PTK7: variants seen among roughly 807,000 people sequenced by gnomAD.
PTK7 encodes inactive tyrosine-protein kinase 7.
Under a neutral mutation model 116.6 loss-of-function variants are expected in PTK7, and 39 were observed. The ratio of observed to expected loss-of-function variants is 0.33; its 90% CI spans 0.26 to 0.44. PTK7 has a LOEUF of 0.44. Among genes scored for constraint, PTK7 ranks in the 20% least tolerant of loss-of-function variants. The pLI, the probability that PTK7 is intolerant of heterozygous loss-of-function variation, is 1.00. For missense variants in PTK7, 1,169 were observed against 1,425.6 expected, an observed-to-expected ratio of 0.82 and a Z score of 2.90; for synonymous variants, 546 against 563.6, an observed-to-expected ratio of 0.97 and a Z score of 0.44.
intron 1 of PTK7, chr6:43,077,082 CCCT>C (rs1766078552): frequency 8.0e-7 from 1 of 1,251,310 alleles, no homozygotes; most frequent in South Asian, 2.4e-5. Context: ...TTCCCGGCTT[CCCT>C]CCTCCGAGTT....
At chr6:43,121,707 G>A (rs1016337756) in intron 1 of PTK7, among the ~76,000 whole-genome samples, 1 of 152,186 alleles carries the variant, frequency 6.6e-6, no homozygotes, top group African/African-American at 2.4e-5. Flanking sequence ...GTAGTCGGGG[G>A]AGACATTCTA....
chr6:43,161,505 C>A lies in PTK7; in HGVS notation c.*624C>A, dbSNP rs984262830. 1 of 151,170 alleles carries A rather than the reference C, an allele frequency of 6.6e-6. No homozygotes were observed. The highest frequency in any genetic ancestry group is 6.6e-5 in the Admixed American group (1 of 15,140). The allele number at this position is 151,170 out of a possible 1,614,324, so 9.4% of individuals were successfully genotyped here. On this transcript the variant is annotated 3_prime_UTR_variant, in exon 20 of 20. Transcript: ENST00000230419. ...CAGGAGCTTTTGACACTATATAAAC[C>A]GCCCTTTTTGTATGCACCACGGGCG...
At chr6:43,148,222 C>T (rs774154002) in intron 17 of PTK7, among the ~76,000 whole-genome samples, 49 of 150,886 alleles carry the variant, frequency 3.2e-4, no homozygotes, top group South Asian at 8.4e-4. Context: ...CACTGCACTC[C>T]AGCCTGGGCA....
chr6:43,144,631 C>G (rs1398504331), intron 15 of PTK7, 25 bp downstream of exon 15: 10 of 1,589,286 alleles, frequency 6.3e-6, no homozygotes, highest in Non-Finnish European at 8.6e-6. Context: ...CTACAGCTGC[C>G]CCTGCCTAAC....
intron 12 of PTK7, 32 bp downstream of exon 12, chr6:43,142,113 C>T: frequency 1.9e-6 from 3 of 1,611,800 alleles, no homozygotes; most frequent in African/African-American, 1.3e-5. Context: ...ACCCGTCCCT[C>T]CTCTCCTGCA....
At chr6:43,134,780 AG>A (rs1769926116) in intron 7 of PTK7, among the ~76,000 whole-genome samples, 1 of 150,470 alleles carries the variant, frequency 6.6e-6, no homozygotes, top group African/African-American at 2.5e-5. Flanking sequence ...ACTTTGTCTC[AG>A]GAAAAAAAAA....
At chr6:43,144,229 T>C (rs1034925356) in intron 14 of PTK7, 3 of 570,964 alleles carry the variant, frequency 5.3e-6, no homozygotes, top group African/African-American at 1.9e-5. Flanking sequence ...TCAGAGGTCA[T>C]AATCAGCTGC....
chr6:43,152,734 TTTATGTTATG>T (rs59689086), intron 17 of PTK7, among the ~76,000 whole-genome samples: 9,625 of 144,082 alleles, frequency 0.067, 470 homozygotes, highest in African/African-American at 0.14. Context: ...TTTTATTTTA[TTTATGTTATG>T]TTATGTTATG....
chr6:43,157,345 TATATA>T (rs1771511596), intron 17 of PTK7, among the ~76,000 whole-genome samples: 1 of 31,074 alleles, frequency 3.2e-5, no homozygotes. Flanking sequence ...TATATATATA[TATATA>T]TATATATATA....
intron 7 of PTK7, 193 bp downstream of exon 7, chr6:43,132,880 A>G (rs1028534156): frequency 1.3e-6 from 1 of 743,494 alleles, no homozygotes; most frequent in East Asian, 2.7e-5. Flanking sequence ...TGGGTGCTCC[A>G]GAGGAAATAG....
rs1769456659 is a variant in PTK7 at position 43,128,842 on chromosome 6, A to C, written c.80-135A>C. 3.7e-6 allele frequency: 3 copies of C among 818,544 alleles called. No homozygotes were observed. In the South Asian group the frequency reaches 7.6e-5, roughly 21 times the overall value. 50.7% of individuals were successfully genotyped at this position (818,544 alleles called of 1,614,324 possible). A position where few individuals can be genotyped will look rare whatever the true frequency, so the allele number is the denominator to read the frequency against. ...AGGGGACTCTTGCAATTGTGGCATC[A>C]TGATCCTTCACACCTGCACTTACTG... On this transcript the variant is annotated intron_variant, in intron 1 of 19. Coordinates refer to ENST00000230419, the MANE Select transcript of PTK7 (RefSeq NM_002821.5).
intron 1 of PTK7, among the ~76,000 whole-genome samples, chr6:43,090,641 C>G (rs1360499985): frequency 6.6e-6 from 1 of 152,150 alleles, no homozygotes; most frequent in Non-Finnish European, 1.5e-5. Context: ...CTCCTGCTCC[C>G]CCAGGAAGTA....
Position 43,129,327 on chromosome 6 carries a change from G to C in PTK7, c.367+63G>C, listed in dbSNP as rs757783075. The C allele has an allele frequency of 3.2e-6, 5 of 1,576,884 alleles. No homozygotes were observed. In the Admixed American group the frequency reaches 8.7e-5, roughly 27 times the overall value. ...GACCCTCAATGACTGAGGCCTGGGG[G>C]ATCCCTCCCTTACCTCAGCTTCTCC... is the stretch of plus-strand genomic sequence containing the variant. On this transcript the variant is annotated intron_variant, in intron 2 of 19. Coordinates refer to ENST00000230419, the MANE Select transcript of PTK7 (RefSeq NM_002821.5). This position sits in a 1 kb window ranked among gnomAD's most constrained non-coding sequence, Gnocchi z 4.5.
At position 43,118,647 on chromosome 6, in the gene PTK7, CTCTCTCTCTCTCTATATA is replaced by C. The variant is rs1399345179; in HGVS notation, c.80-10328_80-10311del. 7.4e-3 allele frequency among the ~76,000 whole-genome samples: 652 copies of C among 87,668 alleles called. 4 individuals carry two copies. The highest frequency in any genetic ancestry group is 0.019 in the African/African-American group (344 of 17,646). 57.5% of individuals were successfully genotyped at this position (87,668 alleles called of 152,430 possible). A position where few individuals can be genotyped will look rare whatever the true frequency, so the allele number is the denominator to read the frequency against. On this transcript the variant is annotated intron_variant, in intron 1 of 19. Coordinates refer to ENST00000230419, the MANE Select transcript of PTK7 (RefSeq NM_002821.5). ...TCTCTCTCTCTCTCTCTCTCTCTCT[CTCTCTCTCTCTCTATATA>C]TATATATATATATATATATATATGT... is the stretch of plus-strand genomic sequence containing the variant.
At position 43,144,556 on chromosome 6, in the gene PTK7, G is replaced by A. The variant is rs1770615120; in HGVS notation, c.2357G>A (p.Ser786Asn). The change falls in exon 15 of 20, where the codon AGT becomes AAT. Residue 786 changes from serine (S) to asparagine (N), a missense_variant. By Grantham distance (46) the Ser-to-Asn change is conservative. Around this residue, in one of 3 missense-constraint regions of PTK7, gnomAD observed 678 missense variants for 853.8 expected, o/e 0.79. Coordinates refer to ENST00000230419, the MANE Select transcript of PTK7 (RefSeq NM_002821.5). ...GCCACCAACAAACGCCACAGCACAA[G>A]TGATAAGATGCACTTCCCACGGTCT... Reference protein sequence around the residue: ...PAATNKRHSTSDKMHFPRSSL... With the variant: ...PAATNKRHSTNDKMHFPRSSL... The A allele has an allele frequency of 2.4e-5, 39 of 1,614,176 alleles. No individual in the cohort carries two copies. Among genetic ancestry groups the A allele is most frequent in the Non-Finnish European group, 3.3e-5 (39 of 1,180,010 alleles).
At chr6:43,132,382 A>G in intron 6 of PTK7, 39 bp from the exon 7 acceptor site, 1 of 1,539,390 alleles carries the variant, frequency 6.5e-7, no homozygotes, top group Non-Finnish European at 8.8e-7. Flanking sequence ...CCTGAGACCC[A>G]CAATAATTGG....
chr6:43,140,792 A>G lies in PTK7; in HGVS notation c.1619-876A>G, dbSNP rs1032191538. ...AGACATGCTTATTGTAGAATTAGAC[A>G]ATACAGATAACTATGTAGTTTTTAA... is the stretch of plus-strand genomic sequence containing the variant. On this transcript the variant is annotated intron_variant, in intron 10 of 19. Coordinates refer to ENST00000230419, the MANE Select transcript of PTK7 (RefSeq NM_002821.5). Among the ~76,000 whole-genome samples, 7 of 152,250 alleles carry G rather than the reference A, an allele frequency of 4.6e-5. No individual in the cohort carries two copies. In the East Asian group the frequency reaches 1.2e-3, roughly 25 times the overall value.
intron 1 of PTK7, among the ~76,000 whole-genome samples, chr6:43,109,433 C>A (rs1344690992): frequency 2.0e-5 from 3 of 152,084 alleles, no homozygotes; most frequent in Admixed American, 2.0e-4. Flanking sequence ...TTCTAGGCTT[C>A]TCTTGTACAT....
In PTK7 at chr6:43,145,565, T is replaced by C; in HGVS notation, c.2640+133T>C. 1.6e-6 allele frequency: 1 copy of C among 641,062 alleles called. No individual in the cohort carries two copies. Among genetic ancestry groups the C allele is most frequent in the Non-Finnish European group, 2.4e-6 (1 of 409,982 alleles). The allele number at this position is 641,062 out of a possible 1,614,324, so 39.7% of individuals were successfully genotyped here. On this transcript the variant is annotated intron_variant, in intron 16 of 19. Coordinates refer to ENST00000230419, the MANE Select transcript of PTK7 (RefSeq NM_002821.5). The surrounding 1 kb of genome is among the most constrained non-coding windows in gnomAD (Gnocchi z 4.8). ...CAGCCGAGACCTCACCTGCCTGCTG[T>C]TACACTTTGCCCACCTTATGATGCT...
Sources: allele counts gnomAD v4.1 joint callset (sites outside exome capture counted in the v4.1 genomes callset), GRCh38; gene constraint gnomAD v4.1.1; regional missense constraint gnomAD v4.1.1; non-coding constraint Gnocchi (gnomAD v3.1); transcripts MANE v1.5; gene names NCBI Gene and HGNC (gene_info 2026-07-23, HGNC 2026-07-21).